The following KCNAB2 variants were observed in gnomAD, a reference collection of about 807,000 sequenced individuals.
KCNAB2 encodes the protein voltage-gated potassium channel subunit beta-2.
KCNAB2 carries 29 observed loss-of-function variants against 63.6 expected under a neutral mutation model. That is an observed-to-expected ratio of 0.46 (90% CI 0.34 to 0.62). KCNAB2 has a LOEUF of 0.62. Among genes scored for constraint, KCNAB2 ranks in the 20% least tolerant of loss-of-function variants. KCNAB2 has a pLI of 0.01. For missense variants in KCNAB2, 359 were observed against 563.9 expected (o/e 0.64, Z 3.68); for synonymous variants, 222 against 224.2 (o/e 0.99, Z 0.09).
intron 4 of KCNAB2, among the ~76,000 whole-genome samples, chr1:6,081,041 C>T (rs1278774668): frequency 2.0e-5 from 3 of 152,198 alleles, no homozygotes; most frequent in Non-Finnish European, 2.9e-5. Context: ...CCTTTCTCTC[C>T]GGCCTCTTGG....
At chr1:6,044,987 GC>G (rs999698821), upstream of KCNAB2, among the ~76,000 whole-genome samples, 2 of 152,142 alleles carry the variant, frequency 1.3e-5, no homozygotes, top group African/African-American at 4.8e-5. Context: ...TGAGGCGCAG[GC>G]CCCCCGACCA....
chr1:6,083,598 C>G (rs1180328556), intron 5 of KCNAB2, among the ~76,000 whole-genome samples: 1 of 152,218 alleles, frequency 6.6e-6, no homozygotes, highest in African/African-American at 2.4e-5. Context: ...CTGCCCTCTG[C>G]TCCTGGGCCG....
At chr1:6,081,239 G>A (rs888379492) in intron 4 of KCNAB2, among the ~76,000 whole-genome samples, 14 of 152,226 alleles carry the variant, frequency 9.2e-5, no homozygotes, top group African/African-American at 2.4e-5. Context: ...CAGCAGTGCC[G>A]CTCAGGGCCG....
chr1:6,018,138 T>C (rs1226272694), intron 1 of KCNAB2, among the ~76,000 whole-genome samples: 1 of 151,876 alleles, frequency 6.6e-6, no homozygotes, highest in Non-Finnish European at 1.5e-5. Context: ...CTCACTGTGT[T>C]GCCCAGGCTG....
chr1:6,013,788 A>G (rs1187507688), intron 1 of KCNAB2, among the ~76,000 whole-genome samples: 17 of 151,402 alleles, frequency 1.1e-4, no homozygotes, highest in Non-Finnish European at 2.4e-4. Flanking sequence ...GAGACTCCTG[A>G]CGACACCCAC....
chr1:6,063,995 G>T (rs539714193), intron 2 of KCNAB2, among the ~76,000 whole-genome samples: 91 of 152,290 alleles, frequency 6.0e-4, no homozygotes, highest in African/African-American at 1.7e-3. Context: ...GCTGCTTAAC[G>T]TGCACCACTG....
intron 1 of KCNAB2, among the ~76,000 whole-genome samples, chr1:6,050,160 AG>A (rs1253254851): frequency 1.3e-5 from 2 of 152,204 alleles, no homozygotes; most frequent in African/African-American, 4.8e-5. Flanking sequence ...GCTCCTTCCC[AG>A]GGATAATCGA....
At chr1:6,037,437 G>A (rs1288911624) in intron 1 of KCNAB2, among the ~76,000 whole-genome samples, 2 of 152,240 alleles carry the variant, frequency 1.3e-5, no homozygotes, top group Non-Finnish European at 2.9e-5. Flanking sequence ...GGGACGGGCT[G>A]TGGTGATGAC....
chr1:6,067,264 A>C (rs1419186218), intron 2 of KCNAB2, among the ~76,000 whole-genome samples: 1 of 152,234 alleles, frequency 6.6e-6, no homozygotes, highest in African/African-American at 2.4e-5. Flanking sequence ...GTTTCCTGGG[A>C]AAGTTTTCCC....
At chr1:6,053,159 A>G (rs1329856675) in intron 2 of KCNAB2, among the ~76,000 whole-genome samples, 2 of 152,150 alleles carry the variant, frequency 1.3e-5, no homozygotes, top group Non-Finnish European at 2.9e-5. Context: ...AGGAAGGACA[A>G]AGGGTCCGCT....
Position 6,096,608 on chromosome 1 carries a change from C to T in KCNAB2, c.949-28C>T. 2 of 1,603,072 alleles carry T rather than the reference C, an allele frequency of 1.2e-6. No homozygotes were observed. The highest frequency in any genetic ancestry group is 1.7e-6 in the Non-Finnish European group (2 of 1,174,662). ...CCAGGTGACCTGCTCTCATCTGTAG[C>T]TGTGCTGCTCCCCTCCCCCGCAACC... On this transcript the variant is annotated intron_variant, in intron 13 of 15. Transcript: ENST00000378083. The surrounding 1 kb of genome is among the most constrained non-coding windows in gnomAD (Gnocchi z 5.9).
intron 1 of KCNAB2, 41 bp from the exon 2 acceptor site, chr1:6,051,467 CGTG>C (rs1479975937): frequency 9.8e-6 from 14 of 1,430,072 alleles, no homozygotes; most frequent in Non-Finnish European, 1.3e-5. Flanking sequence ...GCCTGGGGCA[CGTG>C]GGGCATTGGC....
At chr1:6,088,232 C>CTT (rs70981312) in intron 7 of KCNAB2, among the ~76,000 whole-genome samples, 5 of 119,116 alleles carry the variant, frequency 4.2e-5, no homozygotes, top group South Asian at 2.7e-4. Context: ...CTCTCTCTCT[C>CTT]TTTTTTTTTT....
rs1211476768 is a variant in KCNAB2, at chr1:6,069,312, T to C, written c.219-3443T>C. Among the ~76,000 whole-genome samples, 1 of 152,120 alleles carries C rather than the reference T, an allele frequency of 6.6e-6. No homozygotes were observed. The highest frequency in any genetic ancestry group is 1.9e-4 in the East Asian group (1 of 5,186). On this transcript the variant is annotated intron_variant, in intron 2 of 15. Transcript: ENST00000378083. The surrounding 1 kb of genome is among the most constrained non-coding windows in gnomAD (Gnocchi z 5.4). ...TTGTCCTCTGCCCAGGTGGCTCCAA[T>C]GAAAGGCCCCAAACTCCTCTTTGTA...
intron 6 of KCNAB2, chr1:6,085,747 G>A (rs749787174): frequency 1.4e-4 from 113 of 782,510 alleles, no homozygotes; most frequent in Admixed American, 3.3e-4. Context: ...CAGGATCTTC[G>A]CGGCGTCTCA....
intron 2 of KCNAB2, among the ~76,000 whole-genome samples, chr1:6,040,864 C>T (rs1270279066): frequency 1.3e-5 from 2 of 152,262 alleles, no homozygotes; most frequent in African/African-American, 4.8e-5. Context: ...AAAACCAAAA[C>T]TTTTCCAGGG....
chr1:6,084,953 T>C (rs1387067171), intron 5 of KCNAB2, among the ~76,000 whole-genome samples: 1 of 152,242 alleles, frequency 6.6e-6, no homozygotes, highest in African/African-American at 2.4e-5. Flanking sequence ...GGGCCGCCAC[T>C]GCTTAGACAC....
intron 10 of KCNAB2, among the ~76,000 whole-genome samples, 167 bp from the exon 11 acceptor site, chr1:6,094,233 A>C (rs1665427202): frequency 6.6e-6 from 1 of 152,072 alleles, no homozygotes; most frequent in Non-Finnish European, 1.5e-5. Flanking sequence ...CATCCCAAAA[A>C]ACCCCTCCCA....
In KCNAB2 at chr1:6,099,554, C is replaced by G; in HGVS notation, c.*980C>G. ...GGCCGGCCCTGTGCACAAGGATGCA[C>G]TCCTCTCGGCCCCTGTAGACTTTCT... On this transcript the variant is annotated 3_prime_UTR_variant, in exon 16 of 16. Transcript: ENST00000378083. 2.1e-6 allele frequency: 1 copy of G among 470,364 alleles called. No homozygotes were observed. Among genetic ancestry groups the G allele is most frequent in the Non-Finnish European group, 3.7e-6 (1 of 272,248 alleles). The allele number at this position is 470,364 out of a possible 1,614,324, so 29.1% of individuals were successfully genotyped here.
Sources: gnomAD v4.1 joint callset for allele counts (sites outside exome capture counted in the v4.1 genomes callset) on GRCh38, gnomAD v4.1.1 for gene constraint, Gnocchi (gnomAD v3.1) non-coding constraint, MANE v1.5 for transcripts, NCBI Gene and HGNC (gene_info 2026-07-23, HGNC 2026-07-21) for gene names.